Variants in GPD2 observed in about 807,000 individuals in gnomAD.
The protein encoded by GPD2 is glycerol-3-phosphate dehydrogenase 2.
A neutral mutation model predicts 82.4 loss-of-function variants in GPD2; 54 were observed. The observed-to-expected ratio is 0.66, with a 90% confidence interval of 0.53 to 0.82. The LOEUF (loss-of-function observed/expected upper bound fraction) is 0.82. Ranked by LOEUF, GPD2 falls within the 40% of genes least tolerant of loss-of-function variation. The probability of loss-of-function intolerance (pLI) is 0.00; values close to 1 mark genes in which losing one functional copy is unlikely to be tolerated. For missense variants in GPD2, 748 were observed against 896.2 expected (o/e 0.83, Z 2.11); for synonymous variants, 288 against 306.1 (o/e 0.94, Z 0.62).
the GPD2 span, among the ~76,000 whole-genome samples, chr2:156,416,274 T>A: frequency 6.6e-6 from 1 of 151,906 alleles, no homozygotes; most frequent in Admixed American, 6.6e-5. Flanking sequence ...TTTATTAAAC[T>A]GTGGAAGAGT....
chr2:156,550,160 A>G lies in GPD2; in HGVS notation c.826+388A>G, dbSNP rs796865596. Among the ~76,000 whole-genome samples the G allele has an allele frequency of 3.9e-5, 6 of 152,348 alleles. No individual in the cohort carries two copies. The South Asian group carries it at 1.2e-3, about 32-fold the overall frequency. On this transcript the variant is annotated intron_variant, in intron 7 of 16. Coordinates refer to ENST00000438166, the MANE Select transcript of GPD2 (RefSeq NM_000408.5). ...TTAAAGTGAATCTTTAACTTTATTTAGATTTTCATTATTGCCCTGGCTCTA... is the reference window on the plus strand; with the variant it reads ...TTAAAGTGAATCTTTAACTTTATTTGGATTTTCATTATTGCCCTGGCTCTA...
chr2:156,458,722 G>T (rs903634938), intron 1 of GPD2, among the ~76,000 whole-genome samples: 2 of 152,124 alleles, frequency 1.3e-5, no homozygotes, highest in Non-Finnish European at 2.9e-5. Flanking sequence ...ATGGGATTTG[G>T]TCAAATGTCA....
At chr2:156,464,548 G>T (rs1316118906) in intron 1 of GPD2, among the ~76,000 whole-genome samples, 2 of 152,106 alleles carry the variant, frequency 1.3e-5, no homozygotes, top group Non-Finnish European at 2.9e-5. Context: ...CAGAGTGACT[G>T]GTCTTCCCAC....
In GPD2 at chr2:156,557,661, A is replaced by G. The variant is rs889461069; in HGVS notation, c.1165+79A>G. On this transcript the variant is annotated intron_variant, in intron 9 of 16. Transcript: ENST00000438166. ...TTCCAGCTCTCACTGGATAAATGCT[A>G]TGTCTCCAGTCTGACTCATCTTCAC... 1.4e-5 allele frequency: 12 copies of G among 835,074 alleles called. No individual in the cohort carries two copies. The Admixed American group carries it at 1.6e-4, about 11-fold the overall frequency. 51.7% of individuals were successfully genotyped at this position (835,074 alleles called of 1,614,324 possible).
chr2:156,445,344 C>G (rs1414649764), intron 1 of GPD2, among the ~76,000 whole-genome samples: 1 of 152,156 alleles, frequency 6.6e-6, no homozygotes, highest in South Asian at 2.1e-4. Flanking sequence ...AGAGATAATC[C>G]TATTCCTATT....
chr2:156,506,838 G>C (rs528207716), intron 3 of GPD2, among the ~76,000 whole-genome samples: 1 of 152,230 alleles, frequency 6.6e-6, no homozygotes, highest in African/African-American at 2.4e-5. Context: ...TCTCCTGACA[G>C]TCAGCATAAT....
At chr2:156,499,501 C>T (rs1418407905) in intron 3 of GPD2, among the ~76,000 whole-genome samples, 2 of 152,126 alleles carry the variant, frequency 1.3e-5, no homozygotes, top group African/African-American at 4.8e-5. Context: ...TGCAAGACTT[C>T]AAGTGCAGTA....
chr2:156,451,688 C>CG (rs1403466521), intron 1 of GPD2, among the ~76,000 whole-genome samples: 4 of 134,596 alleles, frequency 3.0e-5, no homozygotes, highest in African/African-American at 1.1e-4. Flanking sequence ...GCTGGCAGGG[C>CG]GGGGGGCTGA....
intron 1 of GPD2, among the ~76,000 whole-genome samples, chr2:156,452,961 A>G (rs540780737): frequency 3.0e-4 from 45 of 152,316 alleles, no homozygotes; most frequent in African/African-American, 1.0e-3. Flanking sequence ...TTACTTTCCC[A>G]GTGAAGTGTG....
chr2:156,402,378 A>G, the GPD2 span, among the ~76,000 whole-genome samples: 2 of 152,270 alleles, frequency 1.3e-5, no homozygotes, highest in Non-Finnish European at 2.9e-5. Context: ...AGACAAATAC[A>G]GAATTATAAA....
At chr2:156,486,641 G>C (rs1159603933) in intron 2 of GPD2, among the ~76,000 whole-genome samples, 1 of 152,094 alleles carries the variant, frequency 6.6e-6, no homozygotes, top group East Asian at 1.9e-4. Flanking sequence ...GCATCTTCTA[G>C]GTAGTTTTAG....
At chr2:156,474,507 A>G (rs978573715) in intron 1 of GPD2, among the ~76,000 whole-genome samples, 2 of 152,164 alleles carry the variant, frequency 1.3e-5, no homozygotes, top group Admixed American at 6.5e-5. Context: ...CCACCCCTAC[A>G]AGGAAATAGG....
intron 2 of GPD2, among the ~76,000 whole-genome samples, chr2:156,479,706 C>A (rs890781615): frequency 6.6e-6 from 1 of 152,084 alleles, no homozygotes; most frequent in Non-Finnish European, 1.5e-5. Flanking sequence ...CTTGTGTCCA[C>A]CTGCAGAGGT....
At chr2:156,470,027 C>G (rs1424097496) in intron 1 of GPD2, among the ~76,000 whole-genome samples, 2 of 152,036 alleles carry the variant, frequency 1.3e-5, no homozygotes, top group Admixed American at 1.3e-4. Flanking sequence ...CTGCTGGTTG[C>G]CCATTTTTAT....
chr2:156,536,493 C>T (rs1320193613), intron 6 of GPD2, among the ~76,000 whole-genome samples: 1 of 152,236 alleles, frequency 6.6e-6, no homozygotes, highest in Non-Finnish European at 1.5e-5. Context: ...GATTGAAAAT[C>T]GATGAGTAAC....
the GPD2 span, among the ~76,000 whole-genome samples, chr2:156,425,508 A>T: frequency 6.6e-6 from 1 of 152,148 alleles, no homozygotes; most frequent in Non-Finnish European, 1.5e-5. Context: ...AGTGTTGTTG[A>T]AGAGGAATCA....
At chr2:156,405,776 G>A in the GPD2 span, among the ~76,000 whole-genome samples, 3 of 152,124 alleles carry the variant, frequency 2.0e-5, no homozygotes, top group Non-Finnish European at 4.4e-5. Flanking sequence ...AGCTCCCATT[G>A]AAGCTGGTAG....
At chr2:156,475,533 C>T (rs934083490) in intron 1 of GPD2, among the ~76,000 whole-genome samples, 5 of 152,066 alleles carry the variant, frequency 3.3e-5, no homozygotes, top group African/African-American at 7.2e-5. Context: ...CACGCCCAGC[C>T]GACTCTTTCA....
At chr2:156,405,681 A>C in the GPD2 span, among the ~76,000 whole-genome samples, 1 of 152,340 alleles carries the variant, frequency 6.6e-6, no homozygotes, top group African/African-American at 2.4e-5. Flanking sequence ...AAGCTTGAAG[A>C]GATCAGAGGA....
Sources: allele counts gnomAD v4.1 joint callset (sites outside exome capture counted in the v4.1 genomes callset), GRCh38; gene constraint gnomAD v4.1.1; transcripts MANE v1.5; gene names NCBI Gene and HGNC (gene_info 2026-07-23, HGNC 2026-07-21).